Variants in JAK2 observed in about 807,000 individuals in gnomAD.
JAK2 encodes the protein tyrosine-protein kinase JAK2.
A neutral mutation model predicts 139.3 loss-of-function variants in JAK2; 86 were observed. The observed-to-expected ratio is 0.62, with a 90% confidence interval of 0.52 to 0.74. JAK2 has a LOEUF of 0.74. JAK2 is among the 30% of genes least tolerant of loss of function. JAK2 has a pLI of 0.00. For missense variants in JAK2, 1,421 were observed against 1,360.3 expected, an observed-to-expected ratio of 1.04 and a Z score of -0.70; for synonymous variants, 490 against 437.7, an observed-to-expected ratio of 1.12 and a Z score of -1.49.
chr9:5,039,672 G>T (rs899929682), intron 4 of JAK2, among the ~76,000 whole-genome samples: 15 of 151,972 alleles, frequency 9.9e-5, no homozygotes, highest in Non-Finnish European at 1.9e-4. Context: ...ATAAAAATCA[G>T]TTGTATTTCT....
intron 12 of JAK2, among the ~76,000 whole-genome samples, chr9:5,071,515 T>C (rs185855660): frequency 3.0e-4 from 45 of 152,222 alleles, no homozygotes; most frequent in Admixed American, 2.4e-3. Flanking sequence ...AATATCCTCA[T>C]TGACATTAAA....
intron 22 of JAK2, among the ~76,000 whole-genome samples, chr9:5,105,680 G>A (rs1316545280): frequency 6.6e-6 from 1 of 152,184 alleles, no homozygotes; most frequent in Non-Finnish European, 1.5e-5. Flanking sequence ...CAAGGCTACC[G>A]TAACCAAAAC....
At chr9:5,085,548 A>AATAG in intron 19 of JAK2, 1 of 704,318 alleles carries the variant, frequency 1.4e-6, no homozygotes, top group Non-Finnish European at 2.7e-6. Context: ...CTCGGGTTAA[A>AATAG]ATAGATATAA....
chr9:5,041,452 C>A (rs1281538369), intron 4 of JAK2: 1 of 613,626 alleles, frequency 1.6e-6, no homozygotes, highest in Non-Finnish European at 3.1e-6. Context: ...GCAGCCTCCC[C>A]TGGCAGGGGC....
intron 23 of JAK2, among the ~76,000 whole-genome samples, 184 bp downstream of exon 23, chr9:5,123,305 C>T (rs1301152589): frequency 6.6e-6 from 1 of 151,976 alleles, no homozygotes; most frequent in African/African-American, 2.4e-5. Context: ...AGCATCTACT[C>T]CACCAATGGC....
chr9:5,091,044 A>T, intron 22 of JAK2, 133 bp downstream of exon 22: 2 of 691,208 alleles, frequency 2.9e-6, no homozygotes, highest in Non-Finnish European at 4.6e-6. Flanking sequence ...CTTACATTTA[A>T]CTTTTTTTTT....
chr9:5,032,644 G>A (rs753296293), intron 4 of JAK2, among the ~76,000 whole-genome samples: 4 of 152,230 alleles, frequency 2.6e-5, no homozygotes, highest in Non-Finnish European at 5.9e-5. Flanking sequence ...AGGGTCTGGA[G>A]TGGACCTCCA....
intron 2 of JAK2, among the ~76,000 whole-genome samples, chr9:4,998,025 A>G (rs1820682645): frequency 6.6e-6 from 1 of 152,218 alleles, no homozygotes; most frequent in Non-Finnish European, 1.5e-5. Context: ...AAAAATCATT[A>G]TGAGCTTAAA....
In JAK2 at chr9:5,064,986, T is replaced by G. The variant is rs1178111253; in HGVS notation, c.1160T>G (p.Val387Gly). 7 of 1,610,932 alleles carry G rather than the reference T, an allele frequency of 4.3e-6. No individual in the cohort carries two copies. Among genetic ancestry groups the G allele is most frequent in the Non-Finnish European group, 5.9e-6 (7 of 1,178,230 alleles). The change falls in exon 9 of 25, where the codon GTA becomes GGA. Residue 387 changes from valine to glycine, a missense_variant. By Grantham distance (109) the Val-to-Gly change is moderately radical. Transcript: ENST00000381652. ...ADAHHYLCKE[V>G]APPAVLENIQ... ...GCACATCATTACCTCTGTAAAGAAG[T>G]AGCACCTCCAGCCGTGCTTGAAAAT... is the stretch of plus-strand genomic sequence containing the variant.
chr9:5,111,331 C>T (rs1822506433), intron 22 of JAK2: 3 of 437,086 alleles, frequency 6.9e-6, no homozygotes, highest in South Asian at 3.8e-5. Flanking sequence ...CTGTCCCCCT[C>T]AGGCATGAAG....
At chr9:5,090,261 T>C (rs1422671567) in intron 20 of JAK2, among the ~76,000 whole-genome samples, 185 bp from the exon 21 acceptor site, 1 of 152,230 alleles carries the variant, frequency 6.6e-6, no homozygotes, top group African/African-American at 2.4e-5. Context: ...AAAGCTTTTA[T>C]TCATTCAAAA....
intron 8 of JAK2, among the ~76,000 whole-genome samples, chr9:5,060,113 C>A (rs1013134264): frequency 6.6e-6 from 1 of 152,146 alleles, no homozygotes; most frequent in East Asian, 1.9e-4. Flanking sequence ...AAGTGTGCAA[C>A]AGCATTATGT....
intron 2 of JAK2, among the ~76,000 whole-genome samples, chr9:5,011,586 TAAAC>T (rs1409176800): frequency 1.3e-5 from 2 of 152,236 alleles, no homozygotes; most frequent in African/African-American, 4.8e-5. Context: ...TGTATCATAG[TAAAC>T]AAAGTCTTTA....
chr9:5,108,329 A>G (rs924074015), intron 22 of JAK2: 1 of 152,130 alleles, frequency 6.6e-6, no homozygotes, highest in African/African-American at 2.4e-5. Context: ...TCACCCGCTG[A>G]GGGAACCAAC....
chr9:5,081,681 T>C, intron 18 of JAK2, 44 bp from the exon 19 acceptor site: 1 of 1,416,908 alleles, frequency 7.1e-7, no homozygotes. Context: ...GTCCAGAGAA[T>C]GTTATTTGCT....
intron 22 of JAK2, among the ~76,000 whole-genome samples, chr9:5,104,574 G>T (rs7867965): frequency 0.27 from 40,938 of 151,998 alleles, 5,758 homozygotes; most frequent in African/African-American, 0.35. Context: ...GCCAGCATCA[G>T]CCCGATACCA....
chr9:5,051,131 T>G lies in JAK2; in HGVS notation c.614+300T>G, dbSNP rs946845409. 3.3e-5 allele frequency among the ~76,000 whole-genome samples: 5 copies of G among 152,184 alleles called. No individual in the cohort carries two copies. In the South Asian group the frequency reaches 8.3e-4, roughly 25 times the overall value. On this transcript the variant is annotated intron_variant, in intron 6 of 24. Transcript: ENST00000381652. The stretch of plus-strand genomic sequence containing the variant: ...TTGGAACATTTCGTATTTCAGATAT[T>G]TGCAAGAGGGATAGTCAACCTATAA...
intron 22 of JAK2, among the ~76,000 whole-genome samples, chr9:5,120,704 T>C (rs2130844804): frequency 6.6e-6 from 1 of 152,288 alleles, no homozygotes; most frequent in Admixed American, 6.5e-5. Context: ...GATAAGGATG[T>C]GATGTAAACT....
At chr9:5,119,473 C>G (rs1354466933) in intron 22 of JAK2, among the ~76,000 whole-genome samples, 1 of 151,782 alleles carries the variant, frequency 6.6e-6, no homozygotes, top group Non-Finnish European at 1.5e-5. Context: ...GGACCTGTAT[C>G]TCTGCCTATA....
Sources: allele counts gnomAD v4.1 joint callset (sites outside exome capture counted in the v4.1 genomes callset), GRCh38; gene constraint gnomAD v4.1.1; transcripts MANE v1.5; gene names NCBI Gene and HGNC (gene_info 2026-07-23, HGNC 2026-07-21).